The following ARVCF variants were observed in gnomAD, a reference collection of about 807,000 sequenced individuals.
The protein encoded by ARVCF is splicing regulator ARVCF.
A neutral mutation model predicts 90.9 loss-of-function variants in ARVCF; 66 were observed. That is an observed-to-expected ratio of 0.73 (90% CI 0.60 to 0.89). ARVCF has a LOEUF of 0.89. Ranked by LOEUF, ARVCF falls within the 40% of genes least tolerant of loss-of-function variation. ARVCF has a pLI of 0.00. For synonymous variants in ARVCF, 653 were observed against 603.4 expected (o/e 1.08, Z -1.21); for missense variants, 1,469 against 1,382.3 (o/e 1.06, Z -1.00).
chr22:19,981,633 A>C lies in ARVCF; in HGVS notation c.474T>G (p.Phe158Leu). 7 of 1,609,160 alleles carry C rather than the reference A, an allele frequency of 4.4e-6. No individual in the cohort carries two copies. The highest frequency in any genetic ancestry group is 5.9e-6 in the Non-Finnish European group (7 of 1,179,732). Residue 158 changes from phenylalanine (F) to leucine (L), a missense_variant, in exon 5 of 20, where the codon TTT becomes TTG. By Grantham distance (22) the Phe-to-Leu change is conservative (BLOSUM62 0). Transcript: ENST00000263207. ...AATGCCGGTCCAGGGCACCATCTGC[A>C]AAAGGGCCTAGTGGGGGGCCGCCAT... ...LLDGGPPLGP[F>L]ADGALDRHFL... is the part of the protein sequence containing the mutation.
intron 3 of ARVCF, chr22:19,987,107 G>C: frequency 5.4e-6 from 3 of 556,772 alleles, no homozygotes; most frequent in African/African-American, 2.0e-5. Context: ...GCCGGGACTC[G>C]GGGGGCGCTG....
At position 19,982,021 on chromosome 22, in the gene ARVCF, A is replaced by C; in HGVS notation, c.281T>G (p.Val94Gly). Residue 94 changes from valine to glycine, a missense_variant, in exon 4 of 20, where the codon GTG (valine) becomes GGG (glycine). Val to Gly is a moderately radical substitution (Grantham distance 109, BLOSUM62 -3). Coordinates refer to ENST00000263207, the MANE Select transcript of ARVCF (RefSeq NM_001670.3). ...PEAPDVLEET[V>G]TVEEDPGTPT... ...TGTGCCGGGGTCCTCCTCCACCGTC[A>C]CGGTCTCCTCCAGCACATCAGGTGC... 5 of 1,612,928 alleles carry C rather than the reference A, an allele frequency of 3.1e-6. No individual in the cohort carries two copies. Among genetic ancestry groups the C allele is most frequent in the Non-Finnish European group, 4.2e-6 (5 of 1,179,954 alleles).
chr22:19,975,656 G>C, intron 11 of ARVCF, 30 bp downstream of exon 11: 1 of 1,612,608 alleles, frequency 6.2e-7, no homozygotes, highest in Non-Finnish European at 8.5e-7. Context: ...ACATCCCCCA[G>C]TGGAGCTGGC....
Position 19,973,151 on chromosome 22 carries a change from C to T in ARVCF, c.2406G>A (p.Gly802=), listed in dbSNP as rs1449124644. ...DNARSLLQAR[G]VPALVALVAS... ...CCACGAGAGCCACCAACGCTGGCAC[C>T]CCGCGTGCCTGCAGGAGCGAGCGCG... is the stretch of plus-strand genomic sequence containing the variant. Residue 802 remains glycine (G), a synonymous_variant, in exon 14 of 20, where the codon GGG becomes GGA. Transcript: ENST00000263207. The T allele has an allele frequency of 1.9e-6, 3 of 1,609,708 alleles. No individual in the cohort carries two copies. Among genetic ancestry groups the T allele is most frequent in the Admixed American group, 1.7e-5 (1 of 59,570 alleles).
rs765867505 is a variant in ARVCF at position 19,981,433 on chromosome 22, C to T, written c.674G>A (p.Gly225Asp). 1.3e-6 allele frequency: 2 copies of T among 1,567,776 alleles called. No individual in the cohort carries two copies. Among genetic ancestry groups the T allele is most frequent in the East Asian group, 2.3e-5 (1 of 42,858 alleles). Residue 225 changes from glycine (G) to aspartate (D), a missense_variant, in exon 5 of 20, where the codon GGC becomes GAC. Coordinates refer to ENST00000263207, the MANE Select transcript of ARVCF (RefSeq NM_001670.3). The part of the protein sequence containing the change: ...AGPLGPGPGD[G>D]CFTLPGHREA... ...CCGGTGGCCAGGCAGTGTGAAGCAGCCATCACCAGGGCCTGGGCCAAGGGG... is the reference window on the plus strand; with the variant it reads ...CCGGTGGCCAGGCAGTGTGAAGCAGTCATCACCAGGGCCTGGGCCAAGGGG...
chr22:19,970,660 G>T lies in ARVCF; in HGVS notation c.*96C>A. The T allele has an allele frequency of 7.8e-7, 1 of 1,286,112 alleles. No homozygotes were observed. Among genetic ancestry groups the T allele is most frequent in the Non-Finnish European group, 1.0e-6 (1 of 987,360 alleles). The allele number at this position is 1,286,112 out of a possible 1,614,324, so 79.7% of individuals were successfully genotyped here. A position where few individuals can be genotyped will look rare whatever the true frequency, so the allele number is the denominator to read the frequency against. The stretch of plus-strand genomic sequence containing the variant: ...CGCTGCCAACCCCTGCCGCCAGGGG[G>T]CTCCAAGCTCCACGGCACGATCTGC... On this transcript the variant is annotated 3_prime_UTR_variant, in exon 20 of 20. Transcript: ENST00000263207.
In ARVCF at chr22:19,974,200, T is replaced by C; in HGVS notation, c.2000A>G (p.Tyr667Cys). The change falls in exon 12 of 20, where the codon TAC (tyrosine) becomes TGC (cysteine). Residue 667 changes from tyrosine (Y) to cysteine (C), a missense_variant. Coordinates refer to ENST00000263207, the MANE Select transcript of ARVCF (RefSeq NM_001670.3). ...CCGGCTCTCCGTGAGGAGGGAGAGG[T>C]AGAGACGTACCACCTCGGGCTGGTA... ...LLYQPEVVRL[Y>C]LSLLTESRNF... 6.2e-7 allele frequency: 1 copy of C among 1,612,110 alleles called. No homozygotes were observed. The highest frequency in any genetic ancestry group is 8.5e-7 in the Non-Finnish European group (1 of 1,179,616).
chr22:19,986,973 G>T, intron 3 of ARVCF: 1 of 624,164 alleles, frequency 1.6e-6, no homozygotes, highest in Admixed American at 2.6e-5. Flanking sequence ...TCGGGCCAGC[G>T]GCTCCGCGGA....
chr22:19,967,128 G>C, downstream of ARVCF: 2 of 1,295,158 alleles, frequency 1.5e-6, no homozygotes, highest in Non-Finnish European at 2.0e-6. Flanking sequence ...GCTCCTTTCT[G>C]CCCTTCCCTC....
chr22:19,995,518 T>C (rs1282156665), intron 2 of ARVCF, among the ~76,000 whole-genome samples: 1 of 152,134 alleles, frequency 6.6e-6, no homozygotes, highest in Non-Finnish European at 1.5e-5. Context: ...CACGAAGGCA[T>C]GGTGAGGAAC....
intron 5 of ARVCF, 116 bp from the exon 6 acceptor site, chr22:19,980,358 G>C: frequency 2.9e-6 from 4 of 1,382,798 alleles, no homozygotes; most frequent in Non-Finnish European, 3.8e-6. Flanking sequence ...GCTGGGCTGA[G>C]AGCACCTGTA....
chr22:19,977,397 C>T lies in ARVCF; in HGVS notation c.1870+18G>A, dbSNP rs189917341. 1.3e-6 allele frequency: 2 copies of T among 1,496,924 alleles called. No individual in the cohort carries two copies. Among genetic ancestry groups the T allele is most frequent in the African/African-American group, 1.4e-5 (1 of 70,938 alleles). 92.7% of individuals were successfully genotyped at this position (1,496,924 alleles called of 1,614,324 possible). On this transcript the variant is annotated intron_variant, in intron 9 of 19. Coordinates refer to ENST00000263207, the MANE Select transcript of ARVCF (RefSeq NM_001670.3). ...GAGTTGAGATGGTAGAGATGATACC[C>T]CAGTCCGCCCCACCCACCTTTGGCC...
chr22:19,979,012 G>C lies in ARVCF; in HGVS notation c.1465C>G (p.Leu489Val). 1 of 1,613,432 alleles carries C rather than the reference G, an allele frequency of 6.2e-7. No individual in the cohort carries two copies. The change falls in exon 7 of 20, where the codon CTG (leucine) becomes GTG (valine). Residue 489 changes from leucine (L) to valine (V), a missense_variant. Transcript: ENST00000263207. ...TGGGGCACGATCACCTCGTGGGTCA[G>C]CGTCTGCAGGCCATGGTCAATGATG... is the stretch of plus-strand genomic sequence containing the variant. The part of the protein sequence containing the change: ...MVIIDHGLQT[L>V]THEVIVPHSG...
intron 18 of ARVCF, 118 bp from the exon 19 acceptor site, chr22:19,971,453 C>T: frequency 7.9e-7 from 1 of 1,261,824 alleles, no homozygotes; most frequent in South Asian, 1.5e-5. Flanking sequence ...GCCAGGACAG[C>T]ACAGGTAGCA....
chr22:19,977,924 C>A, intron 8 of ARVCF, 34 bp downstream of exon 8: 1 of 1,569,076 alleles, frequency 6.4e-7, no homozygotes, highest in South Asian at 1.2e-5. Context: ...GTCTCTCCAG[C>A]CCTTGGTATG....
intron 8 of ARVCF, 81 bp from the exon 9 acceptor site, chr22:19,977,667 T>C (rs1943237313): frequency 2.0e-6 from 3 of 1,465,614 alleles, no homozygotes; most frequent in African/African-American, 2.8e-5. Flanking sequence ...ACAGCTGGTG[T>C]GCATGAGGGC....
chr22:19,978,966 G>A lies in ARVCF; in HGVS notation c.1511C>T (p.Pro504Leu). The change falls in exon 7 of 20, where the codon CCC (proline) becomes CTC (leucine). Residue 504 changes from proline (P) to leucine (L), a missense_variant. By Grantham distance (98) the Pro-to-Leu change is moderately conservative. Coordinates refer to ENST00000263207, the MANE Select transcript of ARVCF (RefSeq NM_001670.3). ...IVPHSGWERE[P>L]NEDSKPRDAE... ...GTCCCGTGGCTTGGAGTCCTCGTTGGGCTCACGCTCCCATCCTGAGTGGGG... is the reference window on the plus strand; with the variant it reads ...GTCCCGTGGCTTGGAGTCCTCGTTGAGCTCACGCTCCCATCCTGAGTGGGG... The A allele has an allele frequency of 6.2e-7, 1 of 1,613,324 alleles. No homozygotes were observed. Among genetic ancestry groups the A allele is most frequent in the African/African-American group, 1.3e-5 (1 of 75,032 alleles).
chr22:19,985,187 T>G (rs1300652432), intron 3 of ARVCF, among the ~76,000 whole-genome samples: 1 of 152,182 alleles, frequency 6.6e-6, no homozygotes, highest in East Asian at 1.9e-4. Context: ...TCCCACATGC[T>G]GCATCCTGTC....
At position 19,990,700 on chromosome 22, in the gene ARVCF, T is replaced by C; in HGVS notation, c.95A>G (p.Gln32Arg). Reference sequence around the variant, plus strand: ...CTGTAGGGCAACATGGCGCCGCTCCTGCTCCAGTGCCCGTGTCAGCCTCTC... The same window carrying C: ...CTGTAGGGCAACATGGCGCCGCTCCCGCTCCAGTGCCCGTGTCAGCCTCTC... Reference protein sequence around the residue: ...RFERLTRALEQERRHVALQLE... With the variant: ...RFERLTRALERERRHVALQLE... Residue 32 changes from glutamine (Q) to arginine (R), a missense_variant, in exon 3 of 20, where the codon CAG becomes CGG. Transcript: ENST00000263207. 6.9e-6 allele frequency: 11 copies of C among 1,600,264 alleles called. No homozygotes were observed. Among genetic ancestry groups the C allele is most frequent in the Non-Finnish European group, 9.4e-6 (11 of 1,173,598 alleles).
Sources: allele counts gnomAD v4.1 joint callset (sites outside exome capture counted in the v4.1 genomes callset), GRCh38; gene constraint gnomAD v4.1.1; transcripts MANE v1.5; gene names NCBI Gene and HGNC (gene_info 2026-07-23, HGNC 2026-07-21).